CHN1: variants seen among roughly 807,000 people sequenced by gnomAD.
CHN1 encodes the protein chimerin 1.
A neutral mutation model predicts 59.5 loss-of-function variants in CHN1; 37 were observed. The observed-to-expected ratio is 0.62, with a 90% CI of 0.48 to 0.82. The LOEUF (loss-of-function observed/expected upper bound fraction) is 0.82. Among genes scored for constraint, CHN1 ranks in the 40% least tolerant of loss-of-function variants. The pLI, the probability that CHN1 is intolerant of heterozygous loss-of-function variation, is 0.00. For missense variants in CHN1, 469 were observed against 571.0 expected, an observed-to-expected ratio of 0.82 and a Z score of 1.82; for synonymous variants, 206 against 200.4, an observed-to-expected ratio of 1.03 and a Z score of -0.24.
chr2:174,857,401 AT>A (rs1174561990), intron 6 of CHN1, among the ~76,000 whole-genome samples: 1 of 152,102 alleles, frequency 6.6e-6, no homozygotes, highest in Admixed American at 6.6e-5. Flanking sequence ...AAGTTAATTC[AT>A]AAGATACAGT....
At chr2:174,893,894 A>T (rs1006288788) in intron 5 of CHN1, among the ~76,000 whole-genome samples, 26 of 152,190 alleles carry the variant, frequency 1.7e-4, no homozygotes, top group Non-Finnish European at 1.2e-4. Flanking sequence ...TCTCTTCAAC[A>T]AACAGTGTTG....
intron 6 of CHN1, among the ~76,000 whole-genome samples, chr2:174,853,489 A>G (rs189043311): frequency 1.4e-3 from 207 of 152,232 alleles, no homozygotes; most frequent in African/African-American, 4.7e-3. Context: ...CACTTATACA[A>G]TGTTGGTGGG....
intron 5 of CHN1, among the ~76,000 whole-genome samples, chr2:174,912,411 C>A (rs1269674105): frequency 6.6e-6 from 1 of 152,040 alleles, no homozygotes; most frequent in African/African-American, 2.4e-5. Flanking sequence ...ATGTGACCAG[C>A]TAATAAAGGA....
At chr2:174,918,893 ACACT>A (rs1162580684) in intron 3 of CHN1, among the ~76,000 whole-genome samples, 1 of 152,186 alleles carries the variant, frequency 6.6e-6, no homozygotes, top group African/African-American at 2.4e-5. Context: ...CAATTGTGAC[ACACT>A]CAATTGCAGC....
At chr2:174,840,548 G>A (rs375722949) in intron 7 of CHN1, among the ~76,000 whole-genome samples, 1 of 152,176 alleles carries the variant, frequency 6.6e-6, no homozygotes, top group African/African-American at 2.4e-5. Flanking sequence ...ATATCCAGCA[G>A]TCAAGGACCG....
intron 6 of CHN1, among the ~76,000 whole-genome samples, chr2:174,874,828 A>T (rs1687513785): frequency 6.6e-6 from 1 of 151,852 alleles, no homozygotes; most frequent in African/African-American, 2.4e-5. Context: ...AACGCAGAGA[A>T]GGCCTATAGA....
intron 6 of CHN1, among the ~76,000 whole-genome samples, chr2:174,861,842 T>C (rs1687078288): frequency 6.6e-6 from 1 of 152,240 alleles, no homozygotes; most frequent in Non-Finnish European, 1.5e-5. Flanking sequence ...CCACAGGTTG[T>C]TGAATCACTG....
intron 5 of CHN1, among the ~76,000 whole-genome samples, chr2:174,891,140 C>CAAAAAAAAAAAAAAAAAAAAAAAAAA (rs58016502): frequency 4.1e-5 from 1 of 24,416 alleles, no homozygotes; most frequent in Non-Finnish European, 8.9e-5. Flanking sequence ...GACTCCATCT[C>CAAAAAAAAAAAAAAAAAAAAAAAAAA]AAAAAAAAAA....
At chr2:174,921,488 A>G (rs1689014788) in intron 3 of CHN1, among the ~76,000 whole-genome samples, 1 of 152,160 alleles carries the variant, frequency 6.6e-6, no homozygotes, top group Admixed American at 6.5e-5. Flanking sequence ...AGTAAAATAA[A>G]TTTTTAATAT....
At chr2:174,847,193 G>C (rs562060369) in intron 6 of CHN1, 1 of 1,491,442 alleles carries the variant, frequency 6.7e-7, no homozygotes, top group Admixed American at 2.3e-5. Context: ...TATCTATTCA[G>C]CTAACACATG....
rs555763998 is a variant in CHN1 at position 174,928,436 on chromosome 2, T to C, written c.115-9871A>G. Among the ~76,000 whole-genome samples, 58 of 152,264 alleles carry C rather than the reference T, an allele frequency of 3.8e-4. No individual in the cohort carries two copies. The South Asian group carries it at 0.011, about 30-fold the overall frequency. On this transcript the variant is annotated intron_variant, in intron 3 of 12. Transcript: ENST00000409900. Reference sequence around the variant, plus strand: ...ATGAAAATCATGACTCATACAGATATAAAAATAAACACGTTAAAAGTTTAA... The same window carrying C: ...ATGAAAATCATGACTCATACAGATACAAAAATAAACACGTTAAAAGTTTAA...
intron 1 of CHN1, among the ~76,000 whole-genome samples, chr2:174,964,967 T>C (rs1690548382): frequency 1.3e-5 from 2 of 152,180 alleles, no homozygotes; most frequent in African/African-American, 4.8e-5. Context: ...ATATTAGTAT[T>C]GTCAGGACAT....
chr2:174,816,409 G>GA (rs1314600539), intron 8 of CHN1, among the ~76,000 whole-genome samples: 2 of 152,248 alleles, frequency 1.3e-5, no homozygotes, highest in African/African-American at 4.8e-5. Context: ...CATCCACTGA[G>GA]AAGGTGTAGC....
intron 1 of CHN1, among the ~76,000 whole-genome samples, chr2:174,957,446 T>TGGGGGG (rs571065105): frequency 1.1e-5 from 1 of 89,928 alleles, no homozygotes; most frequent in African/African-American, 4.7e-5. Context: ...GTGTGTGTGT[T>TGGGGGG]GGGGGGGGGG....
chr2:174,969,804 T>C (rs924437915), intron 1 of CHN1, among the ~76,000 whole-genome samples: 3 of 152,136 alleles, frequency 2.0e-5, no homozygotes, highest in African/African-American at 7.2e-5. Context: ...GAGGGCAGGA[T>C]TTTTTTGTCA....
At chr2:174,861,241 T>G (rs1026313870) in intron 6 of CHN1, among the ~76,000 whole-genome samples, 1 of 152,010 alleles carries the variant, frequency 6.6e-6, no homozygotes. Flanking sequence ...TGAGATAATA[T>G]AGGTAGAATG....
intron 1 of CHN1, among the ~76,000 whole-genome samples, chr2:175,004,121 G>T (rs1302193206): frequency 2.0e-5 from 3 of 152,094 alleles, no homozygotes; most frequent in Admixed American, 2.0e-4. Flanking sequence ...CTTAAAGTCA[G>T]GTACGTATGT....
At chr2:174,889,683 A>G (rs1687991463) in intron 5 of CHN1, among the ~76,000 whole-genome samples, 1 of 152,180 alleles carries the variant, frequency 6.6e-6, no homozygotes, top group Non-Finnish European at 1.5e-5. Context: ...AAGAATAAAG[A>G]GAAAAATGAA....
chr2:174,936,516 CAT>C (rs753320163), intron 3 of CHN1, among the ~76,000 whole-genome samples: 4 of 152,076 alleles, frequency 2.6e-5, no homozygotes, highest in Non-Finnish European at 4.4e-5. Context: ...CACACACACA[CAT>C]ATATAGATAC....
Sources: gnomAD v4.1 joint callset for allele counts (sites outside exome capture counted in the v4.1 genomes callset) on GRCh38, gnomAD v4.1.1 for gene constraint, MANE v1.5 for transcripts, NCBI Gene and HGNC (gene_info 2026-07-23, HGNC 2026-07-21) for gene names.